The following ABLIM1 variants were observed in gnomAD, a reference collection of about 807,000 sequenced individuals.
ABLIM1 encodes actin-binding LIM protein 1.
ABLIM1 carries 40 observed loss-of-function variants against 107.0 expected under a neutral mutation model. The observed-to-expected ratio is 0.37, with a 90% CI of 0.29 to 0.49. The LOEUF is 0.49. ABLIM1 is among the 20% of genes least tolerant of loss of function. The pLI, the probability that ABLIM1 is intolerant of heterozygous loss-of-function variation, is 0.97. For missense variants in ABLIM1, 857 were observed against 1,008.5 expected (o/e 0.85, Z 2.04); for synonymous variants, 357 against 357.3 (o/e 1.00, Z 0.01).
At position 114,473,918 on chromosome 10, in the gene ABLIM1, T is replaced by C. The variant is rs773537334; in HGVS notation, c.1080A>G (p.Pro360=). ...CTGGTGAGCCAGGAATACTGGAGCC[T>C]GGCCTAGAATAAATACTTTCCGAGG... ...RTSSESIYSR[P]GSSIPGSPGH... Residue 360 remains proline (P), a synonymous_variant, in exon 9 of 23, where the codon CCA becomes CCG. Coordinates refer to ENST00000533213, the MANE Select transcript of ABLIM1 (RefSeq NM_002313.7). 8 of 1,613,932 alleles carry C rather than the reference T, an allele frequency of 5.0e-6. No individual in the cohort carries two copies. Among genetic ancestry groups the C allele is most frequent in the Non-Finnish European group, 6.8e-6 (8 of 1,179,854 alleles).
chr10:114,530,340 A>G (rs1429502002), intron 6 of ABLIM1, among the ~76,000 whole-genome samples: 1 of 152,190 alleles, frequency 6.6e-6, no homozygotes, highest in East Asian at 1.9e-4. Flanking sequence ...CTTCACCGTC[A>G]TACTAAATAC....
In ABLIM1 at chr10:114,707,937, A is replaced by C. The variant is rs2081459906; in HGVS notation, c.-213+60124T>G. Among the ~76,000 whole-genome samples, 1 of 152,022 alleles carries C rather than the reference A, an allele frequency of 6.6e-6. No homozygotes were observed. The highest frequency in any genetic ancestry group is 1.5e-5 in the Non-Finnish European group (1 of 67,986). Reference sequence around the variant, plus strand: ...AACAAACAAACAACAACAACAACAAAAAACCTAATTACCAACAGTTTTCAA... The same window carrying C: ...AACAAACAAACAACAACAACAACAACAAACCTAATTACCAACAGTTTTCAA... On this transcript the variant is annotated intron_variant, in intron 1 of 15. Transcript: ENST00000651092. The surrounding 1 kb of genome is among the most constrained non-coding windows in gnomAD (Gnocchi z 4.1).
intron 19 of ABLIM1, among the ~76,000 whole-genome samples, chr10:114,440,629 T>A (rs2139136886): frequency 6.6e-6 from 1 of 152,170 alleles, no homozygotes; most frequent in East Asian, 1.9e-4. Context: ...GTTGTTGTTG[T>A]TTTTGTTGTT....
At chr10:114,746,094 A>G (rs767537012) in intron 1 of ABLIM1, among the ~76,000 whole-genome samples, 7 of 152,196 alleles carry the variant, frequency 4.6e-5, no homozygotes, top group South Asian at 2.1e-4. Flanking sequence ...TCAATATTTA[A>G]CTTGATAAGA....
intron 1 of ABLIM1, among the ~76,000 whole-genome samples, chr10:114,727,599 C>G (rs2081986632): frequency 6.6e-6 from 1 of 152,134 alleles, no homozygotes; most frequent in Non-Finnish European, 1.5e-5. Flanking sequence ...GAAAGAATTT[C>G]TTAAACGGGT....
the ABLIM1 span, among the ~76,000 whole-genome samples, chr10:114,795,426 G>T: frequency 6.6e-6 from 1 of 152,190 alleles, no homozygotes; most frequent in Admixed American, 6.5e-5. Context: ...ACACTTCTGG[G>T]CTGGGTGCAG....
intron 1 of ABLIM1, chr10:114,632,229 T>C: frequency 1.0e-6 from 1 of 985,266 alleles, no homozygotes; most frequent in South Asian, 4.7e-5. Flanking sequence ...AAATGCAAAA[T>C]TCTACTGTCC....
At chr10:114,542,201 G>A (rs2066749568) in intron 6 of ABLIM1, among the ~76,000 whole-genome samples, 1 of 152,118 alleles carries the variant, frequency 6.6e-6, no homozygotes, top group Non-Finnish European at 1.5e-5. Context: ...CTGAGGCCAG[G>A]AGTTAGAGAC....
chr10:114,783,724 A>C, the ABLIM1 span, among the ~76,000 whole-genome samples: 1 of 151,998 alleles, frequency 6.6e-6, no homozygotes, highest in African/African-American at 2.4e-5. Context: ...GCTGTCAGGA[A>C]AAAAGGCCCT....
chr10:114,552,022 TC>T (rs1197931046), intron 4 of ABLIM1, among the ~76,000 whole-genome samples: 1 of 152,002 alleles, frequency 6.6e-6, no homozygotes, highest in Non-Finnish European at 1.5e-5. Flanking sequence ...TTCCTGCCAA[TC>T]CCTATGATAC....
intron 4 of ABLIM1, among the ~76,000 whole-genome samples, chr10:114,564,020 G>T (rs1210781467): frequency 1.4e-5 from 2 of 147,590 alleles, no homozygotes; most frequent in Non-Finnish European, 3.0e-5. Flanking sequence ...ACAATCAATG[G>T]TCCCCCCAAC....
At chr10:114,654,248 C>T (rs2079387348) in intron 1 of ABLIM1, among the ~76,000 whole-genome samples, 1 of 152,194 alleles carries the variant, frequency 6.6e-6, no homozygotes, top group South Asian at 2.1e-4. Flanking sequence ...TATTGTTTCA[C>T]AGCATGGAAG....
At chr10:114,520,651 TAAAAAAAGA>T (rs2063594973) in intron 6 of ABLIM1, among the ~76,000 whole-genome samples, 1 of 151,332 alleles carries the variant, frequency 6.6e-6, no homozygotes, top group African/African-American at 2.4e-5. Context: ...TCCTATCGGT[TAAAAAAAGA>T]AAAAAAAGAA....
intron 1 of ABLIM1, among the ~76,000 whole-genome samples, chr10:114,761,983 G>GCTCTCTCTCTCTCTCTCATATGCT (rs2082756894): frequency 6.9e-6 from 1 of 145,618 alleles, no homozygotes; most frequent in Non-Finnish European, 1.5e-5. Flanking sequence ...TATCCCATAT[G>GCTCTCTCTCTCTCTCTCATATGCT]CTCTCTCTCT....
At chr10:114,547,339 T>C (rs1197498118) in intron 5 of ABLIM1, among the ~76,000 whole-genome samples, 1 of 152,190 alleles carries the variant, frequency 6.6e-6, no homozygotes, top group Non-Finnish European at 1.5e-5. Context: ...GGCTTACTAG[T>C]TCCTCATAGG....
chr10:114,632,131 T>A (rs2078226358), intron 1 of ABLIM1: 5 of 985,290 alleles, frequency 5.1e-6, no homozygotes, highest in Middle Eastern at 5.2e-4. Flanking sequence ...CCCGCGCTCT[T>A]CTCCGCCCGC....
At chr10:114,523,829 G>T (rs949017086) in intron 6 of ABLIM1, among the ~76,000 whole-genome samples, 1 of 152,202 alleles carries the variant, frequency 6.6e-6, no homozygotes, top group African/African-American at 2.4e-5. Context: ...AATAGTATGA[G>T]CAGGCACTGT....
rs996480396 is a variant in ABLIM1, at chr10:114,684,180, G to A, written c.64+110C>T. ...AACAATCTTTTACTTATTATCATAA[G>A]TGTAAAACAATTTTATCAAATGGAA... On this transcript the variant is annotated intron_variant, in intron 1 of 23. Transcript: ENST00000369256. 52 of 1,104,212 alleles carry A rather than the reference G, an allele frequency of 4.7e-5. 1 individual carries two copies. Among genetic ancestry groups the A allele is most frequent in the Non-Finnish European group, 5.9e-5 (46 of 783,902 alleles). 68.4% of individuals were successfully genotyped at this position (1,104,212 alleles called of 1,614,324 possible).
intron 12 of ABLIM1, among the ~76,000 whole-genome samples, chr10:114,459,750 C>G (rs6585281): frequency 8.3e-4 from 126 of 152,154 alleles, no homozygotes; most frequent in Non-Finnish European, 1.4e-3. Context: ...TATAGGCACA[C>G]GTCTAGTAAA....
Sources: gnomAD v4.1 joint callset for allele counts (sites outside exome capture counted in the v4.1 genomes callset) on GRCh38, gnomAD v4.1.1 for gene constraint, Gnocchi (gnomAD v3.1) non-coding constraint, MANE v1.5 for transcripts, NCBI Gene and HGNC (gene_info 2026-07-23, HGNC 2026-07-21) for gene names.